Variants in PWWP2A observed in about 807,000 individuals in gnomAD.
PWWP2A encodes the protein PWWP domain containing 2A, also known as PWWP domain-containing protein 2A.
Under a neutral mutation model 48.5 loss-of-function variants are expected in PWWP2A, and 18 were observed. That is an observed-to-expected ratio of 0.37 (90% CI 0.26 to 0.55). PWWP2A has a LOEUF of 0.55. Among genes scored for constraint, PWWP2A ranks in the 20% least tolerant of loss-of-function variants. PWWP2A has a pLI of 0.81. For missense variants in PWWP2A, 867 were observed against 976.4 expected (o/e 0.89, Z 1.49); for synonymous variants, 396 against 387.7 (o/e 1.02, Z -0.25).
downstream of PWWP2A, among the ~76,000 whole-genome samples, chr5:160,071,500 C>T (rs1021204321): frequency 5.3e-5 from 8 of 152,090 alleles, no homozygotes; most frequent in African/African-American, 1.7e-4. Context: ...CTTGGGATGT[C>T]AAAGGGAAAG....
In PWWP2A at chr5:160,092,265, CA is replaced by C. The variant is rs1755159863; in HGVS notation, c.*116del. On this transcript the variant is annotated 3_prime_UTR_variant, in exon 2 of 2. Transcript: ENST00000307063. ...ATAAGGTAAGTATTAAAAAGCCAGCCAACTGAGTGCAACTTCTCTCTCCAAT... is the reference window on the plus strand; with the variant it reads ...ATAAGGTAAGTATTAAAAAGCCAGCCACTGAGTGCAACTTCTCTCTCCAAT... 13 of 1,426,174 alleles carry C rather than the reference CA, an allele frequency of 9.1e-6. No homozygotes were observed. The highest frequency in any genetic ancestry group is 1.2e-5 in the Non-Finnish European group (13 of 1,089,916). The allele number at this position is 1,426,174 out of a possible 1,614,324, so 88.3% of individuals were successfully genotyped here.
At chr5:160,080,855 T>A (rs1754177929) in intron 2 of PWWP2A, 6 of 1,258,244 alleles carry the variant, frequency 4.8e-6, no homozygotes, top group Admixed American at 5.5e-5. Context: ...AGTTTTAAAA[T>A]AAGACCAAAA....
At chr5:160,097,713 G>T (rs1755826693) in intron 1 of PWWP2A, among the ~76,000 whole-genome samples, 1 of 147,078 alleles carries the variant, frequency 6.8e-6, no homozygotes, top group Non-Finnish European at 1.5e-5. Context: ...TTTTGGGGGG[G>T]GGGGCGGTTG....
chr5:160,086,974 T>C (rs775901934), downstream of PWWP2A, among the ~76,000 whole-genome samples: 1 of 152,212 alleles, frequency 6.6e-6, no homozygotes, highest in Non-Finnish European at 1.5e-5. Context: ...TGCCTTGATA[T>C]AAAAGTTTAT....
downstream of PWWP2A, chr5:160,090,908 T>A: frequency 2.0e-6 from 2 of 984,642 alleles, no homozygotes; most frequent in East Asian, 2.3e-4. Flanking sequence ...AAATAAGAAA[T>A]CAAATCTTAG....
intron 1 of PWWP2A, chr5:160,105,498 C>T (rs558886587): frequency 5.8e-5 from 9 of 156,322 alleles, no homozygotes; most frequent in East Asian, 2.0e-4. Flanking sequence ...GAGGTTGCAG[C>T]GAGCCGAGAT....
rs113507546 is a variant in PWWP2A at position 160,115,684 on chromosome 5, C to T, written c.584+3121G>A. On this transcript the variant is annotated intron_variant, in intron 1 of 1. Transcript: ENST00000307063. ...CTCCAGCCTGGGTGACAGAGTGAGA[C>T]TCCATCTCAAAAAAAGGAAAAAAAA... Among the ~76,000 whole-genome samples the T allele has an allele frequency of 6.8e-3, 1,019 of 150,384 alleles. 12 individuals are homozygous for T. The highest frequency in any genetic ancestry group is 0.024 in the African/African-American group (979 of 40,784).
chr5:160,071,275 A>G (rs542503377), downstream of PWWP2A, among the ~76,000 whole-genome samples: 36 of 152,306 alleles, frequency 2.4e-4, no homozygotes, highest in Non-Finnish European at 5.1e-4. Context: ...GGTAAGTAAC[A>G]TTTCACTCAA....
exon 4 of PWWP2A, chr5:160,076,813 C>T (rs1753910017): frequency 6.6e-6 from 1 of 152,066 alleles, no homozygotes; most frequent in Non-Finnish European, 1.5e-5. Context: ...TTATCTGTTA[C>T]GTTGCTTCAT....
intron 2 of PWWP2A, among the ~76,000 whole-genome samples, chr5:160,068,076 G>C (rs1187287963): frequency 6.6e-6 from 1 of 152,174 alleles, no homozygotes; most frequent in Non-Finnish European, 1.5e-5. Context: ...AGCTACTTGG[G>C]AGGCTAAGGC....
Position 160,070,480 on chromosome 5 carries a change from AAAAAAC to A in PWWP2A, c.*80-3615_*80-3610del, listed in dbSNP as rs560643498. On this transcript the variant is annotated intron_variant and NMD_transcript_variant, in intron 2 of 5. Coordinates refer to the PWWP2A transcript ENST00000524050. Reference sequence around the variant, plus strand: ...AGTGAGAGACCCTGTCTCTGAAAGAAAAAAACAAAAAACAAAAAACTATGCTTTTCC... The same window carrying A: ...AGTGAGAGACCCTGTCTCTGAAAGAAAAAAAACAAAAAACTATGCTTTTCC... Among the ~76,000 whole-genome samples the A allele has an allele frequency of 7.8e-3, 1,110 of 142,510 alleles. 2 individuals carry two copies. Among genetic ancestry groups the A allele is most frequent in the Non-Finnish European group, 0.012 (799 of 64,086 alleles). 93.5% of individuals were successfully genotyped at this position (142,510 alleles called of 152,430 possible).
downstream of PWWP2A, among the ~76,000 whole-genome samples, chr5:160,074,480 G>A (rs909859120): frequency 3.3e-5 from 5 of 149,904 alleles, no homozygotes; most frequent in African/African-American, 1.2e-4. Flanking sequence ...AGGCACAGTT[G>A]TTCACGCTGT....
chr5:160,073,518 T>C (rs1753794483), downstream of PWWP2A, among the ~76,000 whole-genome samples: 1 of 151,772 alleles, frequency 6.6e-6, no homozygotes, highest in Admixed American at 6.6e-5. Context: ...TGAGCCACCA[T>C]GCCCGGCCAA....
At chr5:160,054,617 GAAA>G in the PWWP2A span, among the ~76,000 whole-genome samples, 1 of 141,382 alleles carries the variant, frequency 7.1e-6, no homozygotes, top group Non-Finnish European at 1.6e-5. Flanking sequence ...AAAAAAGAAA[GAAA>G]AAAGAAAAGA....
chr5:160,066,498 AT>A (rs916981959), intron 4 of PWWP2A: 14 of 151,674 alleles, frequency 9.2e-5, no homozygotes, highest in African/African-American at 3.4e-4. Flanking sequence ...GAGTTTCACC[AT>A]GTTAGCCAGG....
At chr5:160,054,074 T>G in the PWWP2A span, among the ~76,000 whole-genome samples, 3 of 151,840 alleles carry the variant, frequency 2.0e-5, no homozygotes, top group Non-Finnish European at 4.4e-5. Context: ...GGGTTGGTTG[T>G]TTTTGTTTGT....
At position 160,113,127 on chromosome 5, in the gene PWWP2A, C is replaced by T. The variant is rs1757763660; in HGVS notation, c.584+5678G>A. On this transcript the variant is annotated intron_variant, in intron 1 of 1. Coordinates refer to ENST00000307063, the MANE Select transcript of PWWP2A (RefSeq NM_001130864.2). ...GAGCCGAAGTCCCGCCACTGCACTCCAGCCTGGGTGACAGAAGCAAGACTC... is the reference window on the plus strand; with the variant it reads ...GAGCCGAAGTCCCGCCACTGCACTCTAGCCTGGGTGACAGAAGCAAGACTC... The T allele has an allele frequency of 9.0e-6, 6 of 668,802 alleles. No homozygotes were observed. In the Admixed American group the frequency reaches 3.2e-4, roughly 35 times the overall value. The allele number at this position is 668,802 out of a possible 1,614,324, so 41.4% of individuals were successfully genotyped here.
chr5:160,109,041 T>A (rs555745815), intron 1 of PWWP2A, among the ~76,000 whole-genome samples: 4 of 152,310 alleles, frequency 2.6e-5, no homozygotes, highest in Middle Eastern at 3.4e-3. Context: ...TGGAGTGCAG[T>A]GGCACAATCT....
intron 1 of PWWP2A, among the ~76,000 whole-genome samples, chr5:160,113,030 G>A (rs765804933): frequency 6.6e-6 from 1 of 152,214 alleles, no homozygotes; most frequent in Non-Finnish European, 1.5e-5. Flanking sequence ...TTGGTGGCGT[G>A]CGCCTGTAAT....
Sources: gnomAD v4.1 joint callset for allele counts (sites outside exome capture counted in the v4.1 genomes callset) on GRCh38, gnomAD v4.1.1 for gene constraint, MANE v1.5 for transcripts, NCBI Gene and HGNC (gene_info 2026-07-23, HGNC 2026-07-21) for gene names.